The following FCN2 variants were observed in gnomAD, a reference collection of about 807,000 sequenced individuals.
The protein encoded by FCN2 is ficolin 2.
A neutral mutation model predicts 32.5 loss-of-function variants in FCN2; 31 were observed. The observed-to-expected ratio is 0.96, with a 90% confidence interval of 0.72 to 1.29. The LOEUF is 1.29. FCN2 is among the 50% of genes most tolerant of loss of function. The probability of loss-of-function intolerance (pLI) is 0.00; values close to 1 mark genes in which losing one functional copy is unlikely to be tolerated. For synonymous variants in FCN2, 181 were observed against 164.5 expected, an observed-to-expected ratio of 1.10 and a Z score of -0.77; for missense variants, 412 against 406.5, an observed-to-expected ratio of 1.01 and a Z score of -0.12.
Position 134,886,564 on chromosome 9 carries a change from G to C in FCN2, c.694G>C (p.Gly232Arg), listed in dbSNP as rs201897230. Reference sequence around the variant, plus strand: ...GGGGGCCTTCGTGGAGGGCAGTGCGGGTGAGTGTCTGCTTGGGGCTGTGTG... The same window carrying C: ...GGGGGCCTTCGTGGAGGGCAGTGCGCGTGAGTGTCTGCTTGGGGCTGTGTG... ...VLGAFVEGSAGDSLTFHNNQS... is the reference protein window; with the variant it reads ...VLGAFVEGSARDSLTFHNNQS... The change falls in exon 7 of 8, where the codon GGA (glycine) becomes CGA (arginine). Residue 232 changes from glycine (G) to arginine (R), a missense_variant and splice_region_variant. Transcript: ENST00000291744. 2.5e-6 allele frequency: 4 copies of C among 1,613,950 alleles called. No individual in the cohort carries two copies. The African/African-American group carries it at 5.3e-5, about 22-fold the overall frequency.
the FCN2 span, among the ~76,000 whole-genome samples, chr9:134,869,721 C>A: frequency 6.6e-6 from 1 of 152,214 alleles, no homozygotes; most frequent in Non-Finnish European, 1.5e-5. Context: ...CCTGCAGGGA[C>A]CCATAAGCCT....
At chr9:134,865,451 A>G in the FCN2 span, among the ~76,000 whole-genome samples, 1 of 152,248 alleles carries the variant, frequency 6.6e-6, no homozygotes, top group Admixed American at 6.5e-5. Context: ...GGGGCTAGGA[A>G]GAAAACACAC....
intron 5 of FCN2, 30 bp from the exon 6 acceptor site, chr9:134,885,738 C>G (rs1029380273): frequency 5.6e-6 from 9 of 1,613,886 alleles, no homozygotes; most frequent in African/African-American, 5.3e-5. Context: ...GCCTGGCCCC[C>G]CCGGCTCCTG....
At chr9:134,874,321 T>C in the FCN2 span, among the ~76,000 whole-genome samples, 3 of 152,252 alleles carry the variant, frequency 2.0e-5, no homozygotes, top group Non-Finnish European at 4.4e-5. Flanking sequence ...CTAATTCCAA[T>C]GTTTTCTTCT....
At chr9:134,872,145 C>T in the FCN2 span, among the ~76,000 whole-genome samples, 5 of 151,802 alleles carry the variant, frequency 3.3e-5, no homozygotes, top group Admixed American at 6.6e-5. Context: ...AGTCATACTC[C>T]GTGTGTGGAT....
chr9:134,876,001 A>G (rs966564393), upstream of FCN2, among the ~76,000 whole-genome samples: 3 of 152,234 alleles, frequency 2.0e-5, no homozygotes, highest in African/African-American at 4.8e-5. Flanking sequence ...TCTGGAATGG[A>G]TGAAAATGTT....
the FCN2 span, chr9:134,868,537 C>G: frequency 6.5e-6 from 1 of 153,200 alleles, no homozygotes; most frequent in Non-Finnish European, 1.5e-5. The surrounding 1 kb of genome is among the most constrained non-coding windows in gnomAD (Gnocchi z 4.3). Context: ...ATCCCTCAGC[C>G]CTCACCAAGA....
At chr9:134,887,061 C>G (rs778609601) in intron 7 of FCN2, 107 bp from the exon 8 acceptor site, 17 of 1,318,842 alleles carry the variant, frequency 1.3e-5, no homozygotes, top group Admixed American at 6.7e-5. Flanking sequence ...CACAACCTGC[C>G]TAACCATACA....
upstream of FCN2, among the ~76,000 whole-genome samples, chr9:134,877,851 T>A (rs769509080): frequency 3.3e-5 from 5 of 152,206 alleles, no homozygotes; most frequent in African/African-American, 4.8e-5. Context: ...TGGTTAATAC[T>A]GAGTGTCAAC....
At chr9:134,880,541 G>A (rs539256296), upstream of FCN2, among the ~76,000 whole-genome samples, 1 of 152,364 alleles carries the variant, frequency 6.6e-6, no homozygotes, top group East Asian at 1.9e-4. Flanking sequence ...GAACAAAGGT[G>A]GGAGGATGGG....
the FCN2 span, among the ~76,000 whole-genome samples, chr9:134,865,514 C>T: frequency 6.6e-6 from 1 of 152,188 alleles, no homozygotes; most frequent in Non-Finnish European, 1.5e-5. Flanking sequence ...CTTTTTCCCC[C>T]AAACATGTCT....
chr9:134,876,654 C>T (rs950753285), upstream of FCN2, among the ~76,000 whole-genome samples: 25 of 152,244 alleles, frequency 1.6e-4, no homozygotes, highest in African/African-American at 6.0e-4. Flanking sequence ...TCTTGGCTCA[C>T]TGCAACCTCT....
chr9:134,884,624 G>C, intron 3 of FCN2, 116 bp from the exon 4 acceptor site: 3 of 1,044,244 alleles, frequency 2.9e-6, no homozygotes, highest in Non-Finnish European at 3.0e-6. Context: ...TCCTTGGCTG[G>C]ACCCATACCA....
chr9:134,885,205 T>C (rs751738965), intron 4 of FCN2, 34 bp from the exon 5 acceptor site: 45 of 1,613,722 alleles, frequency 2.8e-5, no homozygotes, highest in Admixed American at 2.3e-4. Context: ...CCAGGGCTCC[T>C]GTCCTGCAGC....
At chr9:134,869,923 G>A in the FCN2 span, among the ~76,000 whole-genome samples, 1 of 152,110 alleles carries the variant, frequency 6.6e-6, no homozygotes, top group Non-Finnish European at 1.5e-5. Context: ...GCATAAGGGG[G>A]ACAGATGGCT....
Position 134,884,760 on chromosome 9 carries a change from C to T in FCN2, c.289C>T (p.Pro97Ser). 8 of 1,614,008 alleles carry T rather than the reference C, an allele frequency of 5.0e-6. No individual in the cohort carries two copies. Among genetic ancestry groups the T allele is most frequent in the Non-Finnish European group, 6.8e-6 (8 of 1,179,908 alleles). ...GPNGAPGEPQPCLTGPRTCKD... is the reference protein window; with the variant it reads ...GPNGAPGEPQSCLTGPRTCKD... ...AACAGGAGCACCTGGGGAGCCCCAG[C>T]CGTGCCTGACAGGTGACTGACCACC... Residue 97 changes from proline (P) to serine (S), a missense_variant, in exon 4 of 8, where the codon CCG becomes TCG. Transcript: ENST00000291744.
At chr9:134,886,688 A>G (rs1356511968) in intron 7 of FCN2, 124 bp downstream of exon 7, 2 of 1,089,406 alleles carry the variant, frequency 1.8e-6, no homozygotes, top group East Asian at 2.4e-5. Flanking sequence ...CAATTCGTCC[A>G]TCTCTACATG....
chr9:134,865,483 G>A, the FCN2 span, among the ~76,000 whole-genome samples: 1 of 152,200 alleles, frequency 6.6e-6, no homozygotes, highest in East Asian at 1.9e-4. Flanking sequence ...CCTTTCACTG[G>A]TTATGTTATG....
the FCN2 span, among the ~76,000 whole-genome samples, chr9:134,872,557 G>A: frequency 2.8e-4 from 42 of 152,316 alleles, no homozygotes; most frequent in African/African-American, 3.9e-4. Flanking sequence ...ACAGTTCCAC[G>A]TGGCTGGGGA....
Sources: allele counts gnomAD v4.1 joint callset (sites outside exome capture counted in the v4.1 genomes callset), GRCh38; gene constraint gnomAD v4.1.1; non-coding constraint Gnocchi (gnomAD v3.1); transcripts MANE v1.5; gene names NCBI Gene and HGNC (gene_info 2026-07-23, HGNC 2026-07-21).